The following ZNRF1 variants were observed in gnomAD, a reference collection of about 807,000 sequenced individuals.
ZNRF1 encodes the protein zinc and ring finger 1, also known as E3 ubiquitin-protein ligase ZNRF1.
A neutral mutation model predicts 18.4 loss-of-function variants in ZNRF1; 3 were observed. The observed-to-expected ratio is 0.16, with a 90% CI of 0.07 to 0.42. ZNRF1 has a LOEUF of 0.42. Ranked by LOEUF, ZNRF1 falls within the 10% of genes least tolerant of loss-of-function variation. The probability of loss-of-function intolerance (pLI) is 0.99; values close to 1 mark genes in which losing one functional copy is unlikely to be tolerated. For synonymous variants in ZNRF1, 157 were observed against 144.2 expected, an observed-to-expected ratio of 1.09 and a Z score of -0.64; for missense variants, 310 against 329.8, an observed-to-expected ratio of 0.94 and a Z score of 0.47.
chr16:75,048,668 ATT>A (rs766490146), intron 1 of ZNRF1, among the ~76,000 whole-genome samples: 2 of 152,086 alleles, frequency 1.3e-5, no homozygotes, highest in African/African-American at 4.8e-5. Context: ...CCAGTTAAGC[ATT>A]TTTGGCAGAA....
chr16:75,093,322 T>C (rs1255260460), intron 1 of ZNRF1, among the ~76,000 whole-genome samples: 1 of 151,440 alleles, frequency 6.6e-6, no homozygotes, highest in African/African-American at 2.4e-5. Flanking sequence ...GATGCAGAGG[T>C]TGCAGTGAAC....
intron 1 of ZNRF1, among the ~76,000 whole-genome samples, chr16:75,029,604 A>C (rs1009265375): frequency 8.5e-4 from 1 of 1,178 alleles, no homozygotes; most frequent in African/African-American, 8.6e-4. Context: ...CCATCTCTAC[A>C]AAAAAAATAC....
At chr16:75,081,102 G>A (rs1163844734) in intron 1 of ZNRF1, among the ~76,000 whole-genome samples, 4 of 152,296 alleles carry the variant, frequency 2.6e-5, no homozygotes, top group African/African-American at 7.2e-5. Context: ...GAACCCGGGA[G>A]GCGGAGCTTG....
At chr16:75,060,897 G>C (rs532767923) in intron 1 of ZNRF1, among the ~76,000 whole-genome samples, 2 of 152,136 alleles carry the variant, frequency 1.3e-5, no homozygotes, top group Admixed American at 6.5e-5. Flanking sequence ...TGAGGAGGAG[G>C]AGGCTAAGAA....
chr16:75,095,856 C>T, intron 2 of ZNRF1: 1 of 1,035,040 alleles, frequency 9.7e-7, no homozygotes, highest in Non-Finnish European at 1.3e-6. Flanking sequence ...GTTGGTTTAC[C>T]CCCCTACACC....
At position 75,003,375 on chromosome 16, in the gene ZNRF1, T is replaced by C. The variant is rs79734842; in HGVS notation, c.424+3280T>C. On this transcript the variant is annotated intron_variant, in intron 1 of 4. Transcript: ENST00000335325. The stretch of plus-strand genomic sequence containing the variant: ...GCAGGACTGTGTTCCTTGATCTCTG[T>C]TGTGGGTCCTGCACTGTGCCTGCCA... Among the ~76,000 whole-genome samples the C allele has an allele frequency of 3.3e-5, 5 of 152,356 alleles. No homozygotes were observed. In the East Asian group the frequency reaches 7.7e-4, roughly 23 times the overall value.
intron 1 of ZNRF1, among the ~76,000 whole-genome samples, chr16:75,045,202 A>T (rs929671949): frequency 1.3e-5 from 2 of 152,160 alleles, no homozygotes; most frequent in Non-Finnish European, 2.9e-5. Context: ...ACCCATGCAA[A>T]CTATGTTCCC....
At chr16:75,084,890 G>A (rs1160248234) in intron 1 of ZNRF1, among the ~76,000 whole-genome samples, 3 of 152,142 alleles carry the variant, frequency 2.0e-5, no homozygotes, top group Middle Eastern at 3.2e-3. Flanking sequence ...AATTTCAAAC[G>A]TTTGGAAAAG....
intron 1 of ZNRF1, among the ~76,000 whole-genome samples, chr16:75,049,845 T>TTTTG (rs1555511849): frequency 6.7e-6 from 1 of 149,276 alleles, no homozygotes; most frequent in Admixed American, 6.7e-5. Flanking sequence ...ATGCACCCAT[T>TTTTG]TGTGTGTGTG....
At chr16:75,030,088 T>A (rs2035282556) in intron 1 of ZNRF1, among the ~76,000 whole-genome samples, 1 of 150,224 alleles carries the variant, frequency 6.7e-6, no homozygotes, top group Admixed American at 6.6e-5. Flanking sequence ...AAAAACCTGT[T>A]ATTGAAATAA....
At chr16:75,095,385 G>C (rs1467504556) in intron 2 of ZNRF1, among the ~76,000 whole-genome samples, 1 of 152,062 alleles carries the variant, frequency 6.6e-6, no homozygotes, top group African/African-American at 2.4e-5. Context: ...CATGCATGCT[G>C]TCAGGACGCT....
rs534996252 is a variant in ZNRF1, at chr16:75,060,719, C to T, written c.425-32853C>T. On this transcript the variant is annotated intron_variant, in intron 1 of 4. Transcript: ENST00000335325. ...CTTGAGCTCCTTGACCTCAAGTGAT[C>T]CACTTGCCTCGGCCTCCCAAAGTGC... Among the ~76,000 whole-genome samples the T allele has an allele frequency of 2.0e-5, 3 of 151,628 alleles. No homozygotes were observed. The South Asian group carries it at 6.3e-4, about 32-fold the overall frequency.
chr16:75,014,838 G>A (rs1379803042), intron 1 of ZNRF1, among the ~76,000 whole-genome samples: 1 of 151,302 alleles, frequency 6.6e-6, no homozygotes, highest in Non-Finnish European at 1.5e-5. Context: ...AGCTCTAGTG[G>A]GTATAAATAG....
chr16:75,005,653 A>G (rs2034907680), intron 1 of ZNRF1, among the ~76,000 whole-genome samples: 1 of 152,212 alleles, frequency 6.6e-6, no homozygotes, highest in Non-Finnish European at 1.5e-5. Flanking sequence ...CCCTATATCT[A>G]CTATGTCTTT....
At chr16:75,061,774 C>G (rs182663669) in intron 1 of ZNRF1, among the ~76,000 whole-genome samples, 1 of 152,326 alleles carries the variant, frequency 6.6e-6, no homozygotes, top group East Asian at 1.9e-4. Flanking sequence ...ATGACTTTCA[C>G]TCCTTTAGGT....
intron 2 of ZNRF1, among the ~76,000 whole-genome samples, chr16:75,096,014 G>A (rs1436091472): frequency 6.6e-6 from 1 of 151,740 alleles, no homozygotes; most frequent in Non-Finnish European, 1.5e-5. Flanking sequence ...ATGGAATTGA[G>A]GGGCAGGCCA....
chr16:75,088,873 A>G (rs1364631970), intron 1 of ZNRF1, among the ~76,000 whole-genome samples: 1 of 152,220 alleles, frequency 6.6e-6, no homozygotes, highest in East Asian at 1.9e-4. Context: ...GCAGAGGTTA[A>G]AGAGAGACTG....
rs374339578 is a variant in ZNRF1, at chr16:75,035,423, A to G, written c.424+35328A>G. On this transcript the variant is annotated intron_variant, in intron 1 of 4. Coordinates refer to ENST00000335325, the MANE Select transcript of ZNRF1 (RefSeq NM_032268.5). The stretch of plus-strand genomic sequence containing the variant: ...GTCACCCAACTGCAGTGATCATGCA[A>G]TGGTGCGATCTTGTTGCCACCCGCA... 1.7e-4 allele frequency among the ~76,000 whole-genome samples: 26 copies of G among 152,324 alleles called. 2 individuals carry two copies. Among genetic ancestry groups the G allele is most frequent in the South Asian group, 1.4e-3 (7 of 4,828 alleles).
chr16:75,044,603 C>T (rs1448607794), intron 1 of ZNRF1, among the ~76,000 whole-genome samples: 5 of 151,876 alleles, frequency 3.3e-5, no homozygotes, highest in East Asian at 1.9e-4. Context: ...TGGCCTCAAG[C>T]GATCCTCCTG....
Sources: gnomAD v4.1 joint callset for allele counts (sites outside exome capture counted in the v4.1 genomes callset) on GRCh38, gnomAD v4.1.1 for gene constraint, MANE v1.5 for transcripts, NCBI Gene and HGNC (gene_info 2026-07-23, HGNC 2026-07-21) for gene names.